The following TMEM47 variants were observed in gnomAD, a reference collection of about 807,000 sequenced individuals.
TMEM47 encodes brain cell membrane protein 1.
A neutral mutation model predicts 12.4 loss-of-function variants in TMEM47; 3 were observed. The ratio of observed to expected loss-of-function variants is 0.24; its 90% confidence interval spans 0.11 to 0.63. TMEM47 has a LOEUF of 0.63. Ranked by LOEUF, TMEM47 falls within the 20% of genes least tolerant of loss-of-function variation. The probability of loss-of-function intolerance (pLI) is 0.86; values close to 1 mark genes in which losing one functional copy is unlikely to be tolerated. For synonymous variants in TMEM47, 62 were observed against 63.3 expected (o/e 0.98, Z 0.10); for missense variants, 89 against 143.8 (o/e 0.62, Z 1.95).
chrX:34,649,847 T>A (rs764554018), intron 1 of TMEM47, among the ~76,000 whole-genome samples: 1 of 111,353 alleles, frequency 9.0e-6, no homozygotes, highest in South Asian at 3.9e-4. Flanking sequence ...TGCCTCAGCC[T>A]CCCGAGTAGC....
At chrX:34,636,074 G>A (rs1024569354) in intron 2 of TMEM47, among the ~76,000 whole-genome samples, 1 of 112,141 alleles carries the variant, frequency 8.9e-6, no homozygotes, top group Non-Finnish European at 1.9e-5. Context: ...TGTTCTAGCC[G>A]AAGTGTAGTT....
At chrX:34,633,400 A>G (rs1569162508) in intron 2 of TMEM47, among the ~76,000 whole-genome samples, 1 of 111,114 alleles carries the variant, frequency 9.0e-6, no homozygotes. Context: ...AGGCATAGGC[A>G]CTGCAAAACT....
At chrX:34,644,663 G>A (rs917673816) in intron 1 of TMEM47, among the ~76,000 whole-genome samples, 1 of 111,670 alleles carries the variant, frequency 9.0e-6, no homozygotes, top group African/African-American at 3.3e-5. Context: ...AGCACATAAT[G>A]CCTATTTCCT....
rs2147135385 is a variant in TMEM47 at position 34,628,413 on chromosome X, T to G, written c.*1900A>C. 1 of 112,253 alleles carries G rather than the reference T, an allele frequency of 8.9e-6. No individual in the cohort carries two copies. Among genetic ancestry groups the G allele is most frequent in the Admixed American group, 9.5e-5 (1 of 10,489 alleles). 9.3% of individuals were successfully genotyped at this position (112,253 alleles called of 1,213,427 possible). A position where few individuals can be genotyped will look rare whatever the true frequency, so the allele number is the denominator to read the frequency against. ...TGATTCTTTATAGAATCATATATTT[T>G]TATAAAGGTTTCTGTCTGTGATGTA... On this transcript the variant is annotated 3_prime_UTR_variant, in exon 3 of 3. Transcript: ENST00000275954.
intron 1 of TMEM47, among the ~76,000 whole-genome samples, chrX:34,654,069 A>G: frequency 8.9e-6 from 1 of 111,864 alleles, no homozygotes. Flanking sequence ...CCAGAACACA[A>G]GAGGCATGGT....
intron 1 of TMEM47, among the ~76,000 whole-genome samples, chrX:34,643,904 C>T (rs1425499038): frequency 3.6e-5 from 4 of 109,855 alleles, no homozygotes; most frequent in Non-Finnish European, 7.6e-5. Context: ...GGATGGGAGG[C>T]ATGTTTTGGA....
chrX:34,630,556 T>C (rs1364364698), intron 2 of TMEM47, 65 bp from the exon 3 acceptor site: 8 of 1,015,052 alleles, frequency 7.9e-6, no homozygotes, highest in South Asian at 2.7e-5. Flanking sequence ...TATAAATATG[T>C]AACTATATAT....
At chrX:34,654,077 G>A (rs779639428) in intron 1 of TMEM47, among the ~76,000 whole-genome samples, 56 of 111,579 alleles carry the variant, frequency 5.0e-4, no homozygotes, top group Middle Eastern at 4.6e-3. Context: ...CAAGAGGCAT[G>A]GTTCTACTTT....
At position 34,628,410 on chromosome X, in the gene TMEM47, T is replaced by G. The variant is rs1018706623; in HGVS notation, c.*1903A>C. ...TAATGATTCTTTATAGAATCATATA[T>G]TTTTATAAAGGTTTCTGTCTGTGAT... On this transcript the variant is annotated 3_prime_UTR_variant, in exon 3 of 3. Coordinates refer to ENST00000275954, the MANE Select transcript of TMEM47 (RefSeq NM_031442.4). 11 of 112,269 alleles carry G rather than the reference T, an allele frequency of 9.8e-5. No individual in the cohort carries two copies. The highest frequency in any genetic ancestry group is 4.8e-4 in the Admixed American group (5 of 10,481). The allele number at this position is 112,269 out of a possible 1,213,427, so 9.3% of individuals were successfully genotyped here.
intron 2 of TMEM47, among the ~76,000 whole-genome samples, chrX:34,635,643 A>G (rs1324813433): frequency 9.0e-6 from 1 of 111,527 alleles, no homozygotes; most frequent in Non-Finnish European, 1.9e-5. Flanking sequence ...AAGAAAGACT[A>G]AAAGAAAGAA....
intron 1 of TMEM47, among the ~76,000 whole-genome samples, chrX:34,652,800 T>C (rs1253537999): frequency 8.9e-6 from 1 of 111,885 alleles, no homozygotes; most frequent in African/African-American, 3.2e-5. Context: ...GATGTCTAGG[T>C]TAAACAAAAC....
intron 1 of TMEM47, among the ~76,000 whole-genome samples, chrX:34,640,406 T>G (rs750224151): frequency 8.9e-6 from 1 of 112,037 alleles, no homozygotes; most frequent in African/African-American, 3.2e-5. Context: ...AGAAATAGTA[T>G]GATGAAAAAC....
intron 1 of TMEM47, among the ~76,000 whole-genome samples, chrX:34,649,464 A>G (rs1177115258): frequency 9.0e-6 from 1 of 111,388 alleles, no homozygotes; most frequent in Non-Finnish European, 1.9e-5. Context: ...AACCAAATAC[A>G]GCATGTTCTC....
rs1472406365 is a variant in TMEM47 at position 34,629,723 on chromosome X, C to T, written c.*590G>A. On this transcript the variant is annotated 3_prime_UTR_variant, in exon 3 of 3. Transcript: ENST00000275954. ...AGTCTTGACTCTCTTCCCAGGGAGACGCTGATTGCCAAAGCATAACCTCCC... is the reference window on the plus strand; with the variant it reads ...AGTCTTGACTCTCTTCCCAGGGAGATGCTGATTGCCAAAGCATAACCTCCC... 9.0e-6 allele frequency: 1 copy of T among 111,419 alleles called. No homozygotes were observed. Among genetic ancestry groups the T allele is most frequent in the African/African-American group, 3.3e-5 (1 of 30,592 alleles). The allele number at this position is 111,419 out of a possible 1,213,427, so 9.2% of individuals were successfully genotyped here.
Position 34,633,524 on chromosome X carries a change from C to T in TMEM47, c.368-3033G>A, listed in dbSNP as rs769312938. Among the ~76,000 whole-genome samples, 4 of 111,360 alleles carry T rather than the reference C, an allele frequency of 3.6e-5. No individual in the cohort carries two copies. In the South Asian group the frequency reaches 1.5e-3, roughly 43 times the overall value. On this transcript the variant is annotated intron_variant, in intron 2 of 2. Transcript: ENST00000275954. ...TATGATGGAAGAAACAGCAGGGGCC[C>T]TTCGTGGTTCATGGACAGCCTGTGA... is the stretch of plus-strand genomic sequence containing the variant.
chrX:34,653,405 A>G (rs762416727), intron 1 of TMEM47, among the ~76,000 whole-genome samples: 1 of 112,241 alleles, frequency 8.9e-6, no homozygotes, highest in South Asian at 3.7e-4. Flanking sequence ...TCCCTAAATT[A>G]CTGTTAGTAA....
chrX:34,656,668 G>A (rs1922114208), intron 1 of TMEM47, 136 bp downstream of exon 1: 6 of 1,063,505 alleles, frequency 5.6e-6, no homozygotes, highest in African/African-American at 1.9e-5. Flanking sequence ...CCCAGGATCC[G>A]AGAAGGGCCT....
chrX:34,655,440 C>G (rs969697163), intron 1 of TMEM47, among the ~76,000 whole-genome samples: 1 of 111,753 alleles, frequency 8.9e-6, no homozygotes, highest in African/African-American at 3.3e-5. Context: ...TGTTGACCTC[C>G]TGCTGCCAAC....
intron 1 of TMEM47, among the ~76,000 whole-genome samples, chrX:34,650,701 T>G (rs1922003299): frequency 8.9e-6 from 1 of 112,298 alleles, no homozygotes; most frequent in Admixed American, 9.4e-5. Context: ...AGAATAAAAT[T>G]TTATCATACA....
Sources: allele counts gnomAD v4.1 joint callset (sites outside exome capture counted in the v4.1 genomes callset), GRCh38; gene constraint gnomAD v4.1.1; transcripts MANE v1.5; gene names NCBI Gene and HGNC (gene_info 2026-07-23, HGNC 2026-07-21).